HMGXB3: variants seen among roughly 807,000 people sequenced by gnomAD.
HMGXB3 encodes the protein HMG domain-containing protein 3.
HMGXB3 carries 45 observed loss-of-function variants against 121.5 expected under a neutral mutation model. The observed-to-expected ratio is 0.37, with a 90% CI of 0.29 to 0.47. HMGXB3 has a LOEUF of 0.47. HMGXB3 is among the 20% of genes least tolerant of loss of function. The pLI is 0.99. For missense variants in HMGXB3, 1,376 were observed against 1,602.2 expected, an observed-to-expected ratio of 0.86 and a Z score of 2.41; for synonymous variants, 590 against 624.1, an observed-to-expected ratio of 0.95 and a Z score of 0.81.
In HMGXB3 at chr5:150,032,253, G is replaced by A. The variant is rs1756397402; in HGVS notation, c.1834-201G>A. On this transcript the variant is annotated intron_variant, in intron 10 of 19. Coordinates refer to ENST00000502717, the MANE Select transcript of HMGXB3 (RefSeq NM_014983.3). The stretch of plus-strand genomic sequence containing the variant: ...TCACAGATAGGGAAGGACTGGACTG[G>A]ATTTGCCAAAAATTTACAGCCTGTA... Among the ~76,000 whole-genome samples the A allele has an allele frequency of 2.0e-5, 3 of 152,200 alleles. No homozygotes were observed. In the East Asian group the frequency reaches 5.8e-4, roughly 29 times the overall value.
At chr5:150,024,720 G>C in intron 7 of HMGXB3, 40 bp downstream of exon 7, 2 of 1,442,760 alleles carry the variant, frequency 1.4e-6, no homozygotes, top group Non-Finnish European at 9.2e-7. Flanking sequence ...CTTTGGAAAT[G>C]CCCCATGTTT....
At chr5:150,018,970 CTG>C (rs1357691851) in intron 6 of HMGXB3, among the ~76,000 whole-genome samples, 1 of 151,814 alleles carries the variant, frequency 6.6e-6, no homozygotes, top group Non-Finnish European at 1.5e-5. Context: ...AGTTCTGTAT[CTG>C]TTTTTTTCTT....
At chr5:150,014,241 TG>T (rs1009867642) in intron 5 of HMGXB3, among the ~76,000 whole-genome samples, 1 of 152,242 alleles carries the variant, frequency 6.6e-6, no homozygotes, top group Non-Finnish European at 1.5e-5. Context: ...CCATGGGATT[TG>T]CAGTCCCTAT....
intron 7 of HMGXB3, 127 bp from the exon 8 acceptor site, chr5:150,026,579 C>A: frequency 1.3e-6 from 1 of 752,666 alleles, no homozygotes; most frequent in Non-Finnish European, 2.1e-6. Context: ...AATTTGAACT[C>A]AATCTGTCTA....
intron 9 of HMGXB3, among the ~76,000 whole-genome samples, chr5:150,028,489 G>GTATA (rs1197595051): frequency 9.4e-6 from 1 of 106,252 alleles, no homozygotes; most frequent in Non-Finnish European, 1.8e-5. Flanking sequence ...ATATATATAT[G>GTATA]TATATATATG....
intron 10 of HMGXB3, 39 bp downstream of exon 10, chr5:150,030,878 G>T: frequency 1.3e-6 from 2 of 1,482,908 alleles, no homozygotes; most frequent in South Asian, 2.4e-5. Flanking sequence ...TGACATGGAG[G>T]TTGTTTTGAT....
rs141993103 is a variant in HMGXB3, at chr5:150,050,235, C to T, written c.3202-17C>T. On this transcript the variant is annotated splice_polypyrimidine_tract_variant and intron_variant, in intron 18 of 19. Coordinates refer to ENST00000502717, the MANE Select transcript of HMGXB3 (RefSeq NM_014983.3). ...GCTTCCTAATTAACCCTGCGCCCCC[C>T]ACCCTTCATCTCCCAGGTGGTCTGC... 43 of 1,549,414 alleles carry T rather than the reference C, an allele frequency of 2.8e-5. No homozygotes were observed. Among genetic ancestry groups the T allele is most frequent in the Non-Finnish European group, 3.4e-5 (39 of 1,144,986 alleles).
chr5:150,030,408 C>T (rs559325919), intron 9 of HMGXB3: 6 of 190,516 alleles, frequency 3.1e-5, no homozygotes, highest in Admixed American at 2.3e-4. Flanking sequence ...GTCTTTCAGA[C>T]ATCTTTCTAT....
rs1256880466 is a variant in HMGXB3, at chr5:150,026,866, G to T, written c.1621G>T (p.Ala541Ser). 14 of 1,511,816 alleles carry T rather than the reference G, an allele frequency of 9.3e-6. No individual in the cohort carries two copies. Among genetic ancestry groups the T allele is most frequent in the African/African-American group, 2.8e-5 (2 of 71,660 alleles). 93.7% of individuals were successfully genotyped at this position (1,511,816 alleles called of 1,614,324 possible). ...SSMGLPRARQ[A>S]FSLSDKTPSV... Reference sequence around the variant, plus strand: ...CATGGGACTGCCCAGGGCCAGGCAGGCCTTTTCCCTGAGTGGTAAGGGCTG... The same window carrying T: ...CATGGGACTGCCCAGGGCCAGGCAGTCCTTTTCCCTGAGTGGTAAGGGCTG... Residue 541 changes from alanine to serine, a missense_variant, in exon 8 of 20, where the codon GCC becomes TCC. Ala to Ser is a moderately conservative substitution (Grantham distance 99). Transcript: ENST00000502717.
At chr5:150,021,625 AT>A (rs1444673330) in intron 6 of HMGXB3, 9 of 516,628 alleles carry the variant, frequency 1.7e-5, no homozygotes, top group Non-Finnish European at 3.0e-5. Flanking sequence ...GATGGAAGTA[AT>A]TTGCTTAACA....
chr5:150,020,179 A>T (rs1756054602), intron 6 of HMGXB3, among the ~76,000 whole-genome samples: 1 of 152,222 alleles, frequency 6.6e-6, no homozygotes, highest in Non-Finnish European at 1.5e-5. Context: ...TCCTGCTATC[A>T]TCATGATAGA....
rs534614778 is a variant in HMGXB3, at chr5:150,026,051, T to C, written c.1461-655T>C. Among the ~76,000 whole-genome samples the C allele has an allele frequency of 4.5e-3, 684 of 151,998 alleles. 9 individuals are homozygous for C. The South Asian group carries it at 0.045, about 10-fold the overall frequency. On this transcript the variant is annotated intron_variant, in intron 7 of 19. Coordinates refer to ENST00000502717, the MANE Select transcript of HMGXB3 (RefSeq NM_014983.3). ...TTCACCGTGTTAGCCAGGATGGTCT[T>C]GATCTCCTGACCTTGTGATCCACCC...
At position 150,032,704 on chromosome 5, in the gene HMGXB3, G is replaced by A. The variant is rs906662677; in HGVS notation, c.1983+101G>A. On this transcript the variant is annotated intron_variant, in intron 11 of 19. Coordinates refer to ENST00000502717, the MANE Select transcript of HMGXB3 (RefSeq NM_014983.3). ...AAGATTTTTAAAGTACATGGTGGTA[G>A]TTAGAGCATCCAAACTGAACCAGTT... 4.4e-6 allele frequency: 6 copies of A among 1,357,994 alleles called. No individual in the cohort carries two copies. In the African/African-American group the frequency reaches 5.8e-5, roughly 13 times the overall value. 84.1% of individuals were successfully genotyped at this position (1,357,994 alleles called of 1,614,324 possible).
chr5:150,008,823 C>T (rs1755767702), intron 3 of HMGXB3, among the ~76,000 whole-genome samples: 1 of 152,220 alleles, frequency 6.6e-6, no homozygotes, highest in Admixed American at 6.5e-5. Context: ...CAAAGGGTGG[C>T]TTGAGAATGC....
chr5:150,041,672 C>A, intron 14 of HMGXB3, 113 bp from the exon 15 acceptor site: 1 of 787,062 alleles, frequency 1.3e-6, no homozygotes, highest in Non-Finnish European at 2.0e-6. Flanking sequence ...CTGGAGTGTT[C>A]TTTAAGGTGA....
intron 15 of HMGXB3, among the ~76,000 whole-genome samples, chr5:150,045,047 C>A (rs1157946537): frequency 6.6e-6 from 1 of 152,168 alleles, no homozygotes; most frequent in Non-Finnish European, 1.5e-5. Flanking sequence ...GGCTTTGGAA[C>A]TAGACCTGTG....
chr5:150,047,510 TG>T, intron 16 of HMGXB3, 113 bp from the exon 17 acceptor site: 3 of 1,267,836 alleles, frequency 2.4e-6, no homozygotes, highest in Non-Finnish European at 3.3e-6. Context: ...CTGCCAGCAC[TG>T]GGGGAGGGCT....
intron 5 of HMGXB3, among the ~76,000 whole-genome samples, chr5:150,013,318 T>A (rs1755885488): frequency 6.6e-6 from 1 of 152,234 alleles, no homozygotes; most frequent in Non-Finnish European, 1.5e-5. Context: ...CAAATGCTTT[T>A]TCTGTGTCTA....
In HMGXB3 at chr5:150,045,682, C is replaced by T; in HGVS notation, c.2947C>T (p.Pro983Ser). 1 of 1,551,428 alleles carries T rather than the reference C, an allele frequency of 6.4e-7. No individual in the cohort carries two copies. The stretch of plus-strand genomic sequence containing the variant: ...CAAAAACCTGGATGTGCAGCCAGTA[C>T]CTGGTAAGGCCACCTGGTGGCTGAC... ...KDKNLDVQPV[P>S]GSGSALVRLL... Residue 983 changes from proline (P) to serine (S), a missense_variant, in exon 16 of 20, where the codon CCT (proline) becomes TCT (serine). Physicochemically the swap from Pro to Ser is moderately conservative, Grantham distance 74. This residue lies in a region of HMGXB3 where 1,116 missense variants were observed against 1,369.0 expected (regional missense o/e 0.82). Transcript: ENST00000502717.
Sources: gnomAD v4.1 joint callset for allele counts (sites outside exome capture counted in the v4.1 genomes callset) on GRCh38, gnomAD v4.1.1 for gene constraint, gnomAD v4.1.1 regional missense constraint, MANE v1.5 for transcripts, NCBI Gene and HGNC (gene_info 2026-07-23, HGNC 2026-07-21) for gene names.